The following SCN9A variants were observed in gnomAD, a reference collection of about 807,000 sequenced individuals.
SCN9A encodes sodium voltage-gated channel alpha subunit 9, also known as sodium channel protein type 9 subunit alpha.
A neutral mutation model predicts 187.0 loss-of-function variants in SCN9A; 131 were observed. The observed-to-expected ratio is 0.70, with a 90% CI of 0.61 to 0.81. The LOEUF (loss-of-function observed/expected upper bound fraction) is 0.81. Among genes scored for constraint, SCN9A ranks in the 30% least tolerant of loss-of-function variants. SCN9A has a pLI of 0.00. For missense variants in SCN9A, 2,252 were observed against 2,396.6 expected (o/e 0.94, Z 1.26); for synonymous variants, 809 against 808.6 (o/e 1.00, Z -0.01).
chr2:166,241,162 A>G (rs1695550873), intron 19 of SCN9A, among the ~76,000 whole-genome samples: 1 of 152,136 alleles, frequency 6.6e-6, no homozygotes, highest in African/African-American at 2.4e-5. Context: ...AAACTCATGA[A>G]GACTGTCTAT....
At chr2:166,232,657 G>T (rs190411475) in intron 21 of SCN9A, among the ~76,000 whole-genome samples, 122 of 151,604 alleles carry the variant, frequency 8.0e-4, no homozygotes, top group Admixed American at 1.8e-3. Context: ...TCTATTGTTT[G>T]ACAATATTAG....
intron 19 of SCN9A, among the ~76,000 whole-genome samples, chr2:166,242,059 G>A (rs1160611151): frequency 2.0e-5 from 3 of 152,140 alleles, no homozygotes; most frequent in East Asian, 1.9e-4. Context: ...TTGTGCCAAC[G>A]ACTGTTGCTC....
At chr2:166,355,996 C>A (rs1700144490) in intron 1 of SCN9A, among the ~76,000 whole-genome samples, 1 of 152,216 alleles carries the variant, frequency 6.6e-6, no homozygotes, top group Admixed American at 6.5e-5. Context: ...TGGTCTTGAT[C>A]TCTTGACCTT....
chr2:166,306,869 G>A lies in SCN9A; in HGVS notation c.377+87C>T, dbSNP rs1451628047. Reference sequence around the variant, plus strand: ...AACTAAAACCAGAGTCTTTCAAGGTGCAAAAGGTATAACATCTATATTTGA... The same window carrying A: ...AACTAAAACCAGAGTCTTTCAAGGTACAAAAGGTATAACATCTATATTTGA... On this transcript the variant is annotated intron_variant, in intron 3 of 26. Transcript: ENST00000642356. 4 of 732,514 alleles carry A rather than the reference G, an allele frequency of 5.5e-6. No homozygotes were observed. The East Asian group carries it at 1.1e-4, about 20-fold the overall frequency. 45.4% of individuals were successfully genotyped at this position (732,514 alleles called of 1,614,324 possible). A position where few individuals can be genotyped will look rare whatever the true frequency, so the allele number is the denominator to read the frequency against.
intron 1 of SCN9A, among the ~76,000 whole-genome samples, chr2:166,340,591 T>C (rs1699755569): frequency 1.2e-5 from 1 of 82,940 alleles, no homozygotes; most frequent in Admixed American, 1.1e-4. Context: ...TCTTTCTTTC[T>C]TTCTTTCTTT....
intron 8 of SCN9A, 27 bp downstream of exon 8, chr2:166,294,572 A>G (rs201447244): frequency 3.1e-5 from 49 of 1,557,316 alleles, no homozygotes; most frequent in Non-Finnish European, 4.0e-5. Flanking sequence ...CAGCCTTTAG[A>G]CTAAAAAGAA....
intron 17 of SCN9A, among the ~76,000 whole-genome samples, chr2:166,264,741 G>C (rs73021671): frequency 0.013 from 1,903 of 152,028 alleles, 42 homozygotes; most frequent in African/African-American, 0.043. Context: ...TCATAAAAGA[G>C]AGGGTTTTTG....
chr2:166,352,637 T>C lies in SCN9A; in HGVS notation c.-51+23060A>G, dbSNP rs561404804. Among the ~76,000 whole-genome samples the C allele has an allele frequency of 8.1e-4, 124 of 152,310 alleles. 1 individual carries two copies. The highest frequency in any genetic ancestry group is 3.4e-3 in the Middle Eastern group (1 of 294). Reference sequence around the variant, plus strand: ...AACTGATTAAAAATGTTTTCTCCAATGGGTTAATTTTTTCTTAGTTGCAGT... The same window carrying C: ...AACTGATTAAAAATGTTTTCTCCAACGGGTTAATTTTTTCTTAGTTGCAGT... On this transcript the variant is annotated intron_variant, in intron 1 of 26. Transcript: ENST00000642356.
chr2:166,276,937 T>C (rs199613683), intron 16 of SCN9A, 46 bp downstream of exon 16: 3 of 1,510,308 alleles, frequency 2.0e-6, no homozygotes, highest in Non-Finnish European at 2.7e-6. Context: ...CATCACAAAA[T>C]AATTTCCACA....
At chr2:166,327,095 T>C (rs1699382766) in intron 1 of SCN9A, among the ~76,000 whole-genome samples, 1 of 152,206 alleles carries the variant, frequency 6.6e-6, no homozygotes, top group Admixed American at 6.5e-5. Flanking sequence ...ATATTGCGTT[T>C]ATACCACAGA....
chr2:166,357,550 T>G (rs964445801), intron 1 of SCN9A, among the ~76,000 whole-genome samples: 3 of 152,068 alleles, frequency 2.0e-5, no homozygotes, highest in Non-Finnish European at 4.4e-5. Context: ...CCATGACAGT[T>G]GATAATCCCC....
chr2:166,196,732 A>G lies in SCN9A; in HGVS notation c.*1940T>C, dbSNP rs969758416. On this transcript the variant is annotated 3_prime_UTR_variant, in exon 27 of 27. Coordinates refer to ENST00000642356, the MANE Select transcript of SCN9A (RefSeq NM_001365536.1). ...TTCCAACAGGCTTGGTAGGTATGTG[A>G]TAAAATGATCTATGTAGTCTCGGAA... The G allele has an allele frequency of 1.3e-5, 2 of 152,146 alleles. 1 individual carries two copies. Among genetic ancestry groups the G allele is most frequent in the East Asian group, 3.8e-4 (2 of 5,206 alleles). The allele number at this position is 152,146 out of a possible 1,614,324, so 9.4% of individuals were successfully genotyped here. A position where few individuals can be genotyped will look rare whatever the true frequency, so the allele number is the denominator to read the frequency against.
chr2:166,207,535 G>A (rs1023937214), intron 24 of SCN9A, among the ~76,000 whole-genome samples: 1 of 151,926 alleles, frequency 6.6e-6, no homozygotes, highest in Non-Finnish European at 1.5e-5. Context: ...CCACCTCCTG[G>A]GTTCAAGTAA....
At chr2:166,202,726 T>C (rs1574702990) in intron 26 of SCN9A, among the ~76,000 whole-genome samples, 1 of 151,812 alleles carries the variant, frequency 6.6e-6, no homozygotes, top group Non-Finnish European at 1.5e-5. Context: ...TAATTTACTT[T>C]ATTTTTATTG....
chr2:166,360,783 A>G (rs1446958384), intron 1 of SCN9A, among the ~76,000 whole-genome samples: 1 of 152,230 alleles, frequency 6.6e-6, no homozygotes, highest in African/African-American at 2.4e-5. Flanking sequence ...AATAACAGCA[A>G]GATTATTATC....
At chr2:166,249,931 T>C (rs1422157948) in intron 18 of SCN9A, among the ~76,000 whole-genome samples, 2 of 152,118 alleles carry the variant, frequency 1.3e-5, no homozygotes, top group Non-Finnish European at 2.9e-5. Context: ...TATATACTGC[T>C]AATAAATTTC....
At chr2:166,293,466 TA>T in intron 8 of SCN9A, 94 bp from the exon 9 acceptor site, 1 of 1,065,414 alleles carries the variant, frequency 9.4e-7, no homozygotes. Flanking sequence ...GTTTCTTCTA[TA>T]GGGGGACAAT....
intron 5 of SCN9A, 70 bp downstream of exon 5, chr2:166,305,721 GC>G: frequency 6.3e-7 from 1 of 1,589,144 alleles, no homozygotes; most frequent in Non-Finnish European, 8.6e-7. Context: ...CCAGAGGTTT[GC>G]TGTTATTGGA....
At chr2:166,343,075 T>C (rs1421401984) in intron 1 of SCN9A, among the ~76,000 whole-genome samples, 2 of 152,208 alleles carry the variant, frequency 1.3e-5, no homozygotes, top group Non-Finnish European at 2.9e-5. Flanking sequence ...ATTAACTAAA[T>C]AATGTAGTGC....
Sources: allele counts gnomAD v4.1 joint callset (sites outside exome capture counted in the v4.1 genomes callset), GRCh38; gene constraint gnomAD v4.1.1; transcripts MANE v1.5; gene names NCBI Gene and HGNC (gene_info 2026-07-23, HGNC 2026-07-21).